The following EDA variants were observed in gnomAD, a reference collection of about 807,000 sequenced individuals.
The protein encoded by EDA is ectodysplasin-A.
Under a neutral mutation model 23.6 loss-of-function variants are expected in EDA, and 2 were observed. That is an observed-to-expected ratio of 0.08 (90% CI 0.03 to 0.27). EDA has a LOEUF of 0.27. Among genes scored for constraint, EDA ranks in the 10% least tolerant of loss-of-function variants. The probability of loss-of-function intolerance (pLI) is 1.00; values close to 1 mark genes in which losing one functional copy is unlikely to be tolerated. For missense variants in EDA, 229 were observed against 324.2 expected (o/e 0.71, Z 2.26); for synonymous variants, 131 against 132.0 (o/e 0.99, Z 0.05).
chrX:69,735,399 C>T (rs1424424095), intron 1 of EDA, among the ~76,000 whole-genome samples: 1 of 111,722 alleles, frequency 9.0e-6, no homozygotes, highest in East Asian at 2.8e-4. Flanking sequence ...AGGTATTAGG[C>T]TAAGTAAAAG....
At chrX:69,959,450 C>T (rs1388244822) in intron 2 of EDA, among the ~76,000 whole-genome samples, 2 of 111,989 alleles carry the variant, frequency 1.8e-5, no homozygotes, top group Non-Finnish European at 3.8e-5. Context: ...GTAAGTCAAT[C>T]CAAATCTCCT....
chrX:69,654,124 A>G (rs1029581609), intron 1 of EDA, among the ~76,000 whole-genome samples: 9 of 111,990 alleles, frequency 8.0e-5, no homozygotes. Flanking sequence ...AATCCATCAA[A>G]AAGTGGGCAA....
At chrX:69,777,944 C>G (rs1179010858) in intron 1 of EDA, among the ~76,000 whole-genome samples, 1 of 111,222 alleles carries the variant, frequency 9.0e-6, no homozygotes, top group African/African-American at 3.3e-5. Flanking sequence ...CTACATGCAC[C>G]TCTAGTAGAC....
At chrX:69,846,202 A>G (rs1262239152) in intron 1 of EDA, among the ~76,000 whole-genome samples, 1 of 112,565 alleles carries the variant, frequency 8.9e-6, no homozygotes, top group Non-Finnish European at 1.9e-5. Flanking sequence ...TTTTAAATAA[A>G]CAGTCATCCT....
chrX:69,715,029 A>G (rs1350739529), intron 1 of EDA, among the ~76,000 whole-genome samples: 1 of 102,644 alleles, frequency 9.7e-6, no homozygotes, highest in Non-Finnish European at 2.0e-5. Context: ...CAATATATCT[A>G]TCTATTTAGG....
chrX:69,841,561 G>A lies in EDA; in HGVS notation c.397-115466G>A, dbSNP rs767473615. Among the ~76,000 whole-genome samples, 13 of 110,544 alleles carry A rather than the reference G, an allele frequency of 1.2e-4. No individual in the cohort carries two copies. In the East Asian group the frequency reaches 3.7e-3, roughly 31 times the overall value. On this transcript the variant is annotated intron_variant, in intron 1 of 7. Coordinates refer to ENST00000374552, the MANE Select transcript of EDA (RefSeq NM_001399.5). ...AGGCAAGATCTCACTATGTTGTCCAGGCTGGTCTCGAACTCCTGAGCTCAA... is the reference window on the plus strand; with the variant it reads ...AGGCAAGATCTCACTATGTTGTCCAAGCTGGTCTCGAACTCCTGAGCTCAA...
intron 1 of EDA, among the ~76,000 whole-genome samples, chrX:69,781,069 A>G (rs1221354414): frequency 8.9e-6 from 1 of 111,845 alleles, no homozygotes; most frequent in Non-Finnish European, 1.9e-5. Context: ...TGTAGTATGT[A>G]TCTACTTAAT....
intron 1 of EDA, among the ~76,000 whole-genome samples, chrX:69,663,467 G>A (rs1933581445): frequency 8.9e-6 from 1 of 112,691 alleles, no homozygotes; most frequent in African/African-American, 3.2e-5. Context: ...AAGAATTGAA[G>A]TTTGGAGGCC....
intron 1 of EDA, among the ~76,000 whole-genome samples, chrX:69,667,821 G>A (rs757982729): frequency 6.8e-4 from 76 of 112,308 alleles, no homozygotes; most frequent in Middle Eastern, 9.1e-3. Flanking sequence ...TGCATCTGGC[G>A]AGGGCCTTCT....
intron 1 of EDA, among the ~76,000 whole-genome samples, chrX:69,851,984 TC>T (rs989813914): frequency 2.7e-5 from 3 of 112,067 alleles, no homozygotes; most frequent in African/African-American, 9.7e-5. Flanking sequence ...TGCCCTGTTT[TC>T]TCCTTGTTCT....
At chrX:69,653,739 C>T (rs1301802600) in intron 1 of EDA, among the ~76,000 whole-genome samples, 2 of 111,501 alleles carry the variant, frequency 1.8e-5, no homozygotes, top group East Asian at 5.6e-4. Context: ...GGAAAACTGG[C>T]TAGCCATATG....
intron 1 of EDA, among the ~76,000 whole-genome samples, chrX:69,947,812 C>G (rs1356038538): frequency 1.8e-5 from 2 of 112,351 alleles, no homozygotes; most frequent in Admixed American, 1.9e-4. Context: ...TTATATTTTC[C>G]ATTGATGAGG....
At chrX:69,823,649 C>T (rs1351937915) in intron 1 of EDA, among the ~76,000 whole-genome samples, 2 of 94,681 alleles carry the variant, frequency 2.1e-5, no homozygotes, top group Non-Finnish European at 4.1e-5. Context: ...CTGTAGGTTG[C>T]CTGTTCACTC....
chrX:69,697,730 C>T (rs1259641019), intron 1 of EDA, among the ~76,000 whole-genome samples: 7 of 111,619 alleles, frequency 6.3e-5, no homozygotes, highest in South Asian at 3.8e-4. Context: ...TTAAATCCTC[C>T]TAAATTAGAG....
intron 2 of EDA, among the ~76,000 whole-genome samples, chrX:69,971,829 A>C (rs2019252649): frequency 9.0e-6 from 1 of 111,446 alleles, no homozygotes. Flanking sequence ...GTACTTAATG[A>C]ATATTTGTAG....
At chrX:69,637,938 A>T (rs969677827) in intron 1 of EDA, among the ~76,000 whole-genome samples, 1 of 110,832 alleles carries the variant, frequency 9.0e-6, no homozygotes, top group Non-Finnish European at 1.9e-5. Flanking sequence ...GTGGTGGTGG[A>T]GGCAATGAAA....
chrX:69,873,336 A>G (rs1382703955), intron 1 of EDA, among the ~76,000 whole-genome samples: 1 of 112,048 alleles, frequency 8.9e-6, no homozygotes, highest in Non-Finnish European at 1.9e-5. Flanking sequence ...CACCTCACAG[A>G]ACTGGAGAAA....
At chrX:69,827,746 A>T in intron 1 of EDA, among the ~76,000 whole-genome samples, 1 of 111,914 alleles carries the variant, frequency 8.9e-6, no homozygotes, top group Non-Finnish European at 1.9e-5. Context: ...CTAGTGAGGA[A>T]CTGTGTTCCT....
At chrX:69,948,055 G>A (rs1394832179) in intron 1 of EDA, among the ~76,000 whole-genome samples, 3 of 111,752 alleles carry the variant, frequency 2.7e-5, no homozygotes, top group Non-Finnish European at 5.6e-5. Context: ...CATTGAGGAG[G>A]CATAGCTTAC....
Sources: gnomAD v4.1 joint callset for allele counts (sites outside exome capture counted in the v4.1 genomes callset) on GRCh38, gnomAD v4.1.1 for gene constraint, MANE v1.5 for transcripts, NCBI Gene and HGNC (gene_info 2026-07-23, HGNC 2026-07-21) for gene names.